The following MSRA variants were observed in gnomAD, a reference collection of about 807,000 sequenced individuals.
MSRA encodes the protein mitochondrial peptide methionine sulfoxide reductase.
In MSRA, 54 loss-of-function variants were observed where a neutral mutation model predicts 31.3. The observed-to-expected ratio is 1.73, with a 90% CI of 1.39 to 2.17. MSRA has a LOEUF of 2.17. Ranked by LOEUF, MSRA falls within the 30% of genes most tolerant of loss-of-function variation. The pLI is 0.00. For synonymous variants in MSRA, 169 were observed against 116.5 expected (o/e 1.45, Z -2.90); for missense variants, 507 against 300.9 (o/e 1.69, Z -5.07).
At chr8:10,156,760 A>T (rs1024074758) in intron 1 of MSRA, among the ~76,000 whole-genome samples, 11 of 149,840 alleles carry the variant, frequency 7.3e-5, no homozygotes, top group Admixed American at 2.0e-4. Flanking sequence ...TTTTCCAGTC[A>T]TGCAGTTGTA....
Position 10,054,420 on chromosome 8 carries a change from C to CCG in MSRA, c.-97_-96insCG. On this transcript the variant is annotated 5_prime_UTR_variant, in exon 1 of 6. Coordinates refer to ENST00000317173, the MANE Select transcript of MSRA (RefSeq NM_012331.5). ...GCCCGCCCGCGCCCCTGCCGCCCCCCGGTTCCGGCCGCGGACCCCACTCTC... is the reference window on the plus strand; with the variant it reads ...GCCCGCCCGCGCCCCTGCCGCCCCCCCGGGTTCCGGCCGCGGACCCCACTCTC... 2.5e-6 allele frequency: 3 copies of CCG among 1,192,516 alleles called. No individual in the cohort carries two copies. Among genetic ancestry groups the CCG allele is most frequent in the Non-Finnish European group, 3.2e-6 (3 of 928,434 alleles). The allele number at this position is 1,192,516 out of a possible 1,614,324, so 73.9% of individuals were successfully genotyped here. A position where few individuals can be genotyped will look rare whatever the true frequency, so the allele number is the denominator to read the frequency against.
intron 5 of MSRA, among the ~76,000 whole-genome samples, chr8:10,371,657 G>T (rs957569345): frequency 6.6e-6 from 1 of 152,100 alleles, no homozygotes; most frequent in Non-Finnish European, 1.5e-5. Flanking sequence ...TCCACCTACC[G>T]CCTGTTAGCT....
At chr8:10,121,890 A>G (rs1349199917) in intron 1 of MSRA, among the ~76,000 whole-genome samples, 1 of 150,434 alleles carries the variant, frequency 6.6e-6, no homozygotes, top group Non-Finnish European at 1.5e-5. Flanking sequence ...TATGTTGCCC[A>G]GGCTGGTCTG....
intron 1 of MSRA, among the ~76,000 whole-genome samples, chr8:10,149,220 C>G (rs1213293653): frequency 6.6e-6 from 1 of 151,964 alleles, no homozygotes; most frequent in Non-Finnish European, 1.5e-5. Context: ...CTCCCGGGTT[C>G]AAGCAATTCT....
At chr8:10,313,088 A>G (rs967667155) in intron 4 of MSRA, among the ~76,000 whole-genome samples, 2 of 152,210 alleles carry the variant, frequency 1.3e-5, no homozygotes, top group African/African-American at 2.4e-5. Flanking sequence ...CCCCAGCCGG[A>G]CACCATTCCT....
chr8:10,118,294 C>G (rs140191330), intron 1 of MSRA, among the ~76,000 whole-genome samples: 270 of 152,270 alleles, frequency 1.8e-3, no homozygotes, highest in African/African-American at 6.4e-3. Flanking sequence ...ATTCCACAAA[C>G]ATAGGCTGAG....
intron 5 of MSRA, among the ~76,000 whole-genome samples, chr8:10,424,464 G>A (rs574992011): frequency 6.6e-6 from 1 of 151,110 alleles, no homozygotes; most frequent in African/African-American, 2.4e-5. Context: ...GAGAAGGCCC[G>A]GGGTGGAGTG....
At chr8:10,081,305 C>G (rs1354754526) in intron 1 of MSRA, among the ~76,000 whole-genome samples, 1 of 152,200 alleles carries the variant, frequency 6.6e-6, no homozygotes, top group Non-Finnish European at 1.5e-5. Context: ...ACCCACGTGC[C>G]ATTTGGGCCT....
intron 2 of MSRA, among the ~76,000 whole-genome samples, chr8:10,211,020 G>A (rs933695390): frequency 1.3e-5 from 2 of 152,044 alleles, no homozygotes; most frequent in Non-Finnish European, 2.9e-5. Flanking sequence ...ACAGGCATGA[G>A]TCATCGCACC....
chr8:10,063,568 A>T (rs562322143), intron 1 of MSRA, among the ~76,000 whole-genome samples: 6 of 152,180 alleles, frequency 3.9e-5, no homozygotes, highest in African/African-American at 1.4e-4. Context: ...CCCCCAGGTG[A>T]TGGGGGATTA....
chr8:10,069,516 C>T (rs112792689), intron 1 of MSRA, among the ~76,000 whole-genome samples: 207 of 152,336 alleles, frequency 1.4e-3, no homozygotes, highest in African/African-American at 4.8e-3. Context: ...CCATGATCAC[C>T]GTCAACATGT....
At chr8:10,424,666 G>A (rs1266906736) in intron 5 of MSRA, among the ~76,000 whole-genome samples, 1 of 151,598 alleles carries the variant, frequency 6.6e-6, no homozygotes. Context: ...TGGACGGGGA[G>A]AAGGGCCCGG....
At chr8:10,427,655 G>T (rs762074650) in intron 5 of MSRA, among the ~76,000 whole-genome samples, 2 of 152,170 alleles carry the variant, frequency 1.3e-5, no homozygotes, top group South Asian at 4.1e-4. Flanking sequence ...GTGGGCAGAT[G>T]CGATAGTGCC....
At chr8:10,345,593 A>T (rs564622994) in intron 5 of MSRA, among the ~76,000 whole-genome samples, 38 of 152,358 alleles carry the variant, frequency 2.5e-4, no homozygotes, top group East Asian at 1.2e-3. Flanking sequence ...CCAATGGGAT[A>T]TATTATTACA....
chr8:10,366,535 A>C (rs1309229343), intron 5 of MSRA, among the ~76,000 whole-genome samples: 1 of 152,234 alleles, frequency 6.6e-6, no homozygotes, highest in Non-Finnish European at 1.5e-5. Flanking sequence ...TGTGAGGGTC[A>C]GCGATGGGAG....
At chr8:10,155,665 A>T (rs1380162071) in intron 1 of MSRA, among the ~76,000 whole-genome samples, 1 of 152,212 alleles carries the variant, frequency 6.6e-6, no homozygotes, top group Non-Finnish European at 1.5e-5. Context: ...GCTTGCCAGG[A>T]CATTGGCTGA....
At chr8:10,412,282 G>A (rs939668781) in intron 5 of MSRA, among the ~76,000 whole-genome samples, 7 of 152,246 alleles carry the variant, frequency 4.6e-5, no homozygotes, top group South Asian at 2.1e-4. Context: ...TTTGAACCAC[G>A]TTTCTTTAAA....
chr8:10,323,905 A>G (rs1802209055), intron 5 of MSRA, among the ~76,000 whole-genome samples: 1 of 152,184 alleles, frequency 6.6e-6, no homozygotes, highest in African/African-American at 2.4e-5. Context: ...TGCTCACATT[A>G]CTGCATATAA....
Position 10,163,719 on chromosome 8 carries a change from G to C in MSRA, c.143-44114G>C, listed in dbSNP as rs1324016252. Among the ~76,000 whole-genome samples, 4 of 152,362 alleles carry C rather than the reference G, an allele frequency of 2.6e-5. No homozygotes were observed. The East Asian group carries it at 7.7e-4, about 29-fold the overall frequency. The stretch of plus-strand genomic sequence containing the variant: ...CGTCTATTTATCGATAAGAGTGAAG[G>C]AAGGATAACATGGCAGCCAGAGGCG... On this transcript the variant is annotated intron_variant, in intron 1 of 5. Transcript: ENST00000317173.
Sources: allele counts gnomAD v4.1 joint callset (sites outside exome capture counted in the v4.1 genomes callset), GRCh38; gene constraint gnomAD v4.1.1; transcripts MANE v1.5; gene names NCBI Gene and HGNC (gene_info 2026-07-23, HGNC 2026-07-21).